Variants in HYAL4 observed in about 807,000 individuals in gnomAD.
HYAL4 encodes hyaluronidase-4.
In HYAL4, 37 loss-of-function variants were observed where a neutral mutation model predicts 35.2. The observed-to-expected ratio is 1.05, with a 90% CI of 0.81 to 1.38. HYAL4 has a LOEUF of 1.38. Ranked by LOEUF, HYAL4 falls within the 40% of genes most tolerant of loss-of-function variation. The pLI, the probability that HYAL4 is intolerant of heterozygous loss-of-function variation, is 0.00. For synonymous variants in HYAL4, 198 were observed against 203.2 expected (o/e 0.97, Z 0.22); for missense variants, 572 against 572.4 (o/e 1.00, Z 0.01).
chr7:123,874,686 T>G, intron 3 of HYAL4, 75 bp from the exon 4 acceptor site: 9 of 870,712 alleles, frequency 1.0e-5, no homozygotes, highest in Non-Finnish European at 1.7e-5. Context: ...ATTACAGGCG[T>G]GAGCCACCGC....
chr7:123,796,796 A>G, the HYAL4 span, among the ~76,000 whole-genome samples: 13,462 of 152,292 alleles, frequency 0.088, 641 homozygotes, highest in East Asian at 0.15. Flanking sequence ...ATACTACAGC[A>G]TGGATAAACC....
At chr7:123,839,568 C>T (rs148785366) in intron 1 of HYAL4, among the ~76,000 whole-genome samples, 3,203 of 152,276 alleles carry the variant, frequency 0.021, 105 homozygotes, top group African/African-American at 0.073. Context: ...ACACTGTCTT[C>T]CACAATGGTT....
chr7:123,776,268 T>A, the HYAL4 span, among the ~76,000 whole-genome samples: 2 of 152,156 alleles, frequency 1.3e-5, no homozygotes, highest in African/African-American at 4.8e-5. Flanking sequence ...ACTTTCTGGC[T>A]GCAGGAAGTC....
At chr7:123,780,594 G>A in the HYAL4 span, among the ~76,000 whole-genome samples, 1 of 152,150 alleles carries the variant, frequency 6.6e-6, no homozygotes, top group Non-Finnish European at 1.5e-5. Flanking sequence ...TCTAAGAGTA[G>A]TTTTAGAACT....
chr7:123,786,713 G>GCTAT, the HYAL4 span, among the ~76,000 whole-genome samples: 51,903 of 148,304 alleles, frequency 0.35, 8,981 homozygotes, highest in African/African-American at 0.39. Context: ...TGTATCACAT[G>GCTAT]CTATCTATCT....
At chr7:123,799,940 T>A in the HYAL4 span, among the ~76,000 whole-genome samples, 8 of 151,806 alleles carry the variant, frequency 5.3e-5, no homozygotes, top group African/African-American at 1.9e-4. Context: ...GTGAGCTGAT[T>A]GCTTGAGCGC....
chr7:123,830,851 T>C (rs140695881), intron 1 of HYAL4, among the ~76,000 whole-genome samples: 15 of 152,336 alleles, frequency 9.8e-5, no homozygotes, highest in African/African-American at 3.6e-4. Flanking sequence ...TGTTCAGTTA[T>C]AAAATTACTA....
In HYAL4 at chr7:123,845,552, G is replaced by A. The variant is rs1440393340; in HGVS notation, c.-255G>A. The A allele has an allele frequency of 1.3e-5, 2 of 151,876 alleles. No individual in the cohort carries two copies. Among genetic ancestry groups the A allele is most frequent in the Admixed American group, 6.6e-5 (1 of 15,230 alleles). 9.4% of individuals were successfully genotyped at this position (151,876 alleles called of 1,614,324 possible). ...CTGAAGATTCCGCCTCTCATTTCTT[G>A]AGTCATTTTTTTTAAATTTCCTTAA... is the stretch of plus-strand genomic sequence containing the variant. On this transcript the variant is annotated 5_prime_UTR_variant, in exon 1 of 5. The change abolishes the stop of an existing upstream ORF in the 5' untranslated region. Coordinates refer to ENST00000223026, the MANE Select transcript of HYAL4 (RefSeq NM_012269.3).
the HYAL4 span, among the ~76,000 whole-genome samples, chr7:123,766,038 G>A: frequency 0.12 from 17,519 of 151,958 alleles, 1,327 homozygotes; most frequent in East Asian, 0.2. Context: ...TCTTGCTGTC[G>A]TTCCATTATG....
intron 1 of HYAL4, among the ~76,000 whole-genome samples, chr7:123,832,677 A>G (rs1805904019): frequency 6.7e-6 from 1 of 150,056 alleles, no homozygotes; most frequent in Admixed American, 6.6e-5. Context: ...TTTTTTTTGT[A>G]TTTTTAGTAG....
chr7:123,855,111 G>A (rs771659073), intron 2 of HYAL4, among the ~76,000 whole-genome samples: 1 of 152,040 alleles, frequency 6.6e-6, no homozygotes, highest in Non-Finnish European at 1.5e-5. Context: ...CACGTGTGAT[G>A]GTTCTCCTGA....
chr7:123,791,881 AGG>A, the HYAL4 span, among the ~76,000 whole-genome samples: 1 of 152,244 alleles, frequency 6.6e-6, no homozygotes, highest in Non-Finnish European at 1.5e-5. Context: ...TTCCCATACA[AGG>A]ACTTGTAACC....
chr7:123,859,358 A>G (rs1039307112), intron 2 of HYAL4, among the ~76,000 whole-genome samples: 3 of 152,156 alleles, frequency 2.0e-5, no homozygotes, highest in African/African-American at 7.2e-5. Context: ...ATTCACCGGT[A>G]TTGTGCATTA....
chr7:123,862,660 A>G (rs535497578), intron 2 of HYAL4, among the ~76,000 whole-genome samples: 1 of 151,974 alleles, frequency 6.6e-6, no homozygotes, highest in South Asian at 2.1e-4. Flanking sequence ...CTTTGTGGTG[A>G]TTATTTAAAA....
chr7:123,823,769 A>T, the HYAL4 span, among the ~76,000 whole-genome samples: 4 of 150,008 alleles, frequency 2.7e-5, no homozygotes, highest in East Asian at 7.7e-4. Flanking sequence ...ACATATATTT[A>T]TATATATATG....
chr7:123,769,245 A>T, the HYAL4 span, among the ~76,000 whole-genome samples: 1 of 152,186 alleles, frequency 6.6e-6, no homozygotes, highest in African/African-American at 2.4e-5. Context: ...GGGAAGATGT[A>T]AAGATTAAAA....
chr7:123,804,978 C>G, the HYAL4 span, among the ~76,000 whole-genome samples: 1 of 152,170 alleles, frequency 6.6e-6, no homozygotes, highest in Non-Finnish European at 1.5e-5. Flanking sequence ...TAAGCAGGAT[C>G]TCAGAGATGA....
the HYAL4 span, among the ~76,000 whole-genome samples, chr7:123,785,015 A>G: frequency 3.3e-5 from 5 of 152,306 alleles, no homozygotes; most frequent in Admixed American, 3.3e-4. The surrounding 1 kb of genome is among the most constrained non-coding windows in gnomAD (Gnocchi z 4.5). Flanking sequence ...ATTTATTTTC[A>G]TTCTTCCATT....
the HYAL4 span, among the ~76,000 whole-genome samples, chr7:123,769,982 T>A: frequency 6.8e-6 from 1 of 146,898 alleles, no homozygotes; most frequent in East Asian, 2.0e-4. Flanking sequence ...CCAAGTAAAG[T>A]TTTTTTTTTT....
Sources: gnomAD v4.1 joint callset for allele counts (sites outside exome capture counted in the v4.1 genomes callset) on GRCh38, gnomAD v4.1.1 for gene constraint, Gnocchi (gnomAD v3.1) non-coding constraint, MANE v1.5 for transcripts, NCBI Gene and HGNC (gene_info 2026-07-23, HGNC 2026-07-21) for gene names.